CAMTA1: variants seen among roughly 807,000 people sequenced by gnomAD.
The protein encoded by CAMTA1 is calmodulin binding transcription activator 1.
In CAMTA1, 27 loss-of-function variants were observed where a neutral mutation model predicts 170.9. That is an observed-to-expected ratio of 0.16 (90% CI 0.12 to 0.22). CAMTA1 has a LOEUF of 0.22. Among genes scored for constraint, CAMTA1 ranks in the 10% least tolerant of loss-of-function variants. The pLI is 1.00. For synonymous variants in CAMTA1, 833 were observed against 891.5 expected (o/e 0.93, Z 1.17); for missense variants, 1,619 against 2,217.2 (o/e 0.73, Z 5.42).
At chr1:6,881,259 T>C (rs934378990) in intron 3 of CAMTA1, among the ~76,000 whole-genome samples, 1 of 152,186 alleles carries the variant, frequency 6.6e-6, no homozygotes, top group African/African-American at 2.4e-5. Flanking sequence ...TGGTGAACAG[T>C]GCAGCAAGGT....
rs750700013 is a variant in CAMTA1 at position 7,689,833 on chromosome 1, C to T, written c.2914+12100C>T. Among the ~76,000 whole-genome samples, 16 of 152,252 alleles carry T rather than the reference C, an allele frequency of 1.1e-4. No individual in the cohort carries two copies. The South Asian group carries it at 1.2e-3, about 12-fold the overall frequency. ...CATCCCACAGCCAAATTCACCCATG[C>T]CCCAGAAGCTAGGACACAAAGGCAG... On this transcript the variant is annotated intron_variant, in intron 11 of 22. Transcript: ENST00000303635.
In CAMTA1 at chr1:7,092,606, T is replaced by C. The variant is rs1641625261; in HGVS notation, c.302+1235T>C. ...AGGAGTCCCCAAAACCTCAGCCTGC[T>C]GGAACCATGGTTTTTCCTTTGCTAT... On this transcript the variant is annotated intron_variant, in intron 4 of 22. Transcript: ENST00000303635. This position sits in a 1 kb window ranked among gnomAD's most constrained non-coding sequence, Gnocchi z 5.0. Among the ~76,000 whole-genome samples, 2 of 152,232 alleles carry C rather than the reference T, an allele frequency of 1.3e-5. No homozygotes were observed. Among genetic ancestry groups the C allele is most frequent in the East Asian group, 1.9e-4 (1 of 5,194 alleles).
At chr1:6,982,563 CG>C in intron 3 of CAMTA1, among the ~76,000 whole-genome samples, 1 of 152,286 alleles carries the variant, frequency 6.6e-6, no homozygotes, top group Admixed American at 6.5e-5. Context: ...ATTTCACCCT[CG>C]GGAGGCCCTT....
intron 5 of CAMTA1, among the ~76,000 whole-genome samples, chr1:7,436,818 T>C (rs1035737406): frequency 2.6e-5 from 4 of 152,070 alleles, no homozygotes; most frequent in Admixed American, 2.6e-4. Flanking sequence ...GATGCAGAGG[T>C]AGAATGCAGG....
At chr1:7,267,105 G>T (rs1172226860) in intron 5 of CAMTA1, among the ~76,000 whole-genome samples, 1 of 152,184 alleles carries the variant, frequency 6.6e-6, no homozygotes, top group East Asian at 1.9e-4. Flanking sequence ...CTATGGAGTG[G>T]AAAGGCTAAG....
At chr1:7,610,925 G>A (rs867187148) in intron 6 of CAMTA1, among the ~76,000 whole-genome samples, 2 of 152,222 alleles carry the variant, frequency 1.3e-5, no homozygotes, top group Admixed American at 6.5e-5. Context: ...TGGTAACTAC[G>A]GGAGGCCAGG....
At chr1:7,503,524 C>G (rs947541551) in intron 6 of CAMTA1, among the ~76,000 whole-genome samples, 1 of 152,186 alleles carries the variant, frequency 6.6e-6, no homozygotes, top group African/African-American at 2.4e-5. Flanking sequence ...CGCTGCCCTC[C>G]CCCACCATTT....
intron 3 of CAMTA1, among the ~76,000 whole-genome samples, chr1:7,082,440 A>ATAG (rs1640143728): frequency 5.7e-4 from 81 of 142,316 alleles, no homozygotes; most frequent in Non-Finnish European, 9.3e-4. Context: ...TGCATCTCGA[A>ATAG]ATAGATAGAT....
At position 7,151,397 on chromosome 1, in the gene CAMTA1, G is replaced by T. The variant is rs142634624; in HGVS notation, c.302+60026G>T. ...TCTTTGCAGCGGGCAACCCTGGATT[G>T]CCCAGCGAGGCTGCCTGGCCCTTGG... On this transcript the variant is annotated intron_variant, in intron 4 of 22. Coordinates refer to ENST00000303635, the MANE Select transcript of CAMTA1 (RefSeq NM_015215.4). Among the ~76,000 whole-genome samples, 1,404 of 152,276 alleles carry T rather than the reference G, an allele frequency of 9.2e-3. 14 individuals carry two copies. The highest frequency in any genetic ancestry group is 0.015 in the Non-Finnish European group (997 of 68,020).
rs144770736 is a variant in CAMTA1, at chr1:7,385,903, G to A, written c.439-81927G>A. Among the ~76,000 whole-genome samples the A allele has an allele frequency of 2.8e-3, 425 of 152,258 alleles. 2 individuals are homozygous for A. Among genetic ancestry groups the A allele is most frequent in the Middle Eastern group, 0.01 (3 of 292 alleles). Reference sequence around the variant, plus strand: ...TGTGTCCAGTGCGGTGCTGAGCTTCGTTCCACATGCAGGAGCCTCACTCAC... The same window carrying A: ...TGTGTCCAGTGCGGTGCTGAGCTTCATTCCACATGCAGGAGCCTCACTCAC... On this transcript the variant is annotated intron_variant, in intron 5 of 22. Coordinates refer to ENST00000303635, the MANE Select transcript of CAMTA1 (RefSeq NM_015215.4).
intron 3 of CAMTA1, chr1:6,873,926 T>C (rs1669101634): frequency 6.6e-6 from 1 of 152,250 alleles, no homozygotes; most frequent in African/African-American, 2.4e-5. Flanking sequence ...TACTGGTATC[T>C]GTTGAGGTAG....
intron 6 of CAMTA1, among the ~76,000 whole-genome samples, chr1:7,539,445 A>G (rs776436954): frequency 1.3e-5 from 2 of 152,258 alleles, no homozygotes; most frequent in African/African-American, 2.4e-5. Context: ...CAAGTGGGCC[A>G]TGTGTTTCAA....
At chr1:7,032,293 A>G (rs1193570662) in intron 3 of CAMTA1, among the ~76,000 whole-genome samples, 1 of 152,048 alleles carries the variant, frequency 6.6e-6, no homozygotes, top group African/African-American at 2.4e-5. Context: ...CTTCTTTTGG[A>G]TTAACTGAAC....
At chr1:7,328,158 C>T (rs1448976809) in intron 5 of CAMTA1, among the ~76,000 whole-genome samples, 2 of 152,140 alleles carry the variant, frequency 1.3e-5, no homozygotes, top group African/African-American at 4.8e-5. Context: ...ATTCACTGGG[C>T]TTCCTTCTCG....
intron 5 of CAMTA1, among the ~76,000 whole-genome samples, chr1:7,397,539 T>C (rs1269726294): frequency 6.6e-6 from 1 of 152,124 alleles, no homozygotes; most frequent in Non-Finnish European, 1.5e-5. Context: ...TATTGCTATC[T>C]ACTAATTCTG....
intron 6 of CAMTA1, among the ~76,000 whole-genome samples, chr1:7,543,217 G>C (rs2094639656): frequency 6.6e-6 from 1 of 152,156 alleles, no homozygotes; most frequent in South Asian, 2.1e-4. Flanking sequence ...TGGATATGCT[G>C]TAATTTAGTC....
chr1:7,136,160 C>G (rs535619475), intron 4 of CAMTA1, among the ~76,000 whole-genome samples: 2 of 152,328 alleles, frequency 1.3e-5, no homozygotes, highest in East Asian at 3.9e-4. Flanking sequence ...ATGTGGTCTC[C>G]TCTTTCAGAC....
intron 6 of CAMTA1, among the ~76,000 whole-genome samples, chr1:7,607,276 ATGGATGGATGGGTGTGTGGATGGT>A (rs2095493578): frequency 6.6e-6 from 1 of 151,412 alleles, no homozygotes; most frequent in African/African-American, 2.4e-5. Flanking sequence ...GGATGGATGG[ATGGATGGATGGGTGTGTGGATGGT>A]TGGATGGAAT....
intron 11 of CAMTA1, among the ~76,000 whole-genome samples, chr1:7,723,231 T>G (rs1253574526): frequency 6.6e-6 from 1 of 152,012 alleles, no homozygotes; most frequent in African/African-American, 2.4e-5. Flanking sequence ...TGGAGCATCT[T>G]GTAATGCCAG....
Sources: allele counts gnomAD v4.1 joint callset (sites outside exome capture counted in the v4.1 genomes callset), GRCh38; gene constraint gnomAD v4.1.1; non-coding constraint Gnocchi (gnomAD v3.1); transcripts MANE v1.5; gene names NCBI Gene and HGNC (gene_info 2026-07-23, HGNC 2026-07-21).